The following USP37 variants were observed in gnomAD, a reference collection of about 807,000 sequenced individuals.
USP37 encodes ubiquitin specific peptidase 37.
In USP37, 27 loss-of-function variants were observed where a neutral mutation model predicts 124.0. The observed-to-expected ratio is 0.22, with a 90% CI of 0.16 to 0.30. The LOEUF is 0.30. Among genes scored for constraint, USP37 ranks in the 10% least tolerant of loss-of-function variants. The pLI is 1.00. For synonymous variants in USP37, 365 were observed against 388.0 expected, an observed-to-expected ratio of 0.94 and a Z score of 0.70; for missense variants, 889 against 1,140.4, an observed-to-expected ratio of 0.78 and a Z score of 3.17.
intron 11 of USP37, among the ~76,000 whole-genome samples, chr2:218,500,146 T>G (rs1204091705): frequency 6.6e-6 from 1 of 151,616 alleles, no homozygotes; most frequent in Non-Finnish European, 1.5e-5. Flanking sequence ...GTGATCTCAG[T>G]TCACTACAAC....
intron 10 of USP37, among the ~76,000 whole-genome samples, chr2:218,512,597 T>C (rs1056149330): frequency 3.9e-5 from 6 of 152,134 alleles, no homozygotes; most frequent in African/African-American, 1.4e-4. Flanking sequence ...ATGTGGAGCA[T>C]AACAAATTTT....
At position 218,553,729 on chromosome 2, in the gene USP37, T is replaced by C. The variant is rs768631988; in HGVS notation, c.157-5A>G. 38 of 1,598,794 alleles carry C rather than the reference T, an allele frequency of 2.4e-5. No individual in the cohort carries two copies. Among genetic ancestry groups the C allele is most frequent in the East Asian group, 4.5e-5 (2 of 44,590 alleles). ...ATTTTTAATGTTATGACTTAGCTAA[T>C]CAAGACAAAAGGAAAATTATCATCA... is the stretch of plus-strand genomic sequence containing the variant. On this transcript the variant is annotated splice_polypyrimidine_tract_variant and splice_region_variant and intron_variant, in intron 4 of 25. Transcript: ENST00000258399.
intron 11 of USP37, among the ~76,000 whole-genome samples, chr2:218,506,155 T>C (rs1052567221): frequency 2.6e-5 from 4 of 152,120 alleles, no homozygotes; most frequent in Admixed American, 6.5e-5. Context: ...TGAGTCACCA[T>C]GCCCAGCAGG....
At position 218,495,900 on chromosome 2, in the gene USP37, C is replaced by G; in HGVS notation, c.1332G>C (p.Met444Ile). ...TCTTCCAAGTTTTATTTAATTTTTC[C>G]ATATCTTCTTTCAGCTGGTCCAAAC... ...SQCLDQLKED[M>I]EKLNKTWKTE... Residue 444 changes from methionine to isoleucine, a missense_variant, in exon 14 of 26, where the codon ATG becomes ATC. Physicochemically the swap from Met to Ile is conservative, Grantham distance 10. Coordinates refer to ENST00000258399, the MANE Select transcript of USP37 (RefSeq NM_020935.3). 1 of 1,613,474 alleles carries G rather than the reference C, an allele frequency of 6.2e-7. No individual in the cohort carries two copies. The highest frequency in any genetic ancestry group is 8.5e-7 in the Non-Finnish European group (1 of 1,179,922).
At chr2:218,484,574 A>G (rs986218990) in intron 16 of USP37, among the ~76,000 whole-genome samples, 6 of 151,964 alleles carry the variant, frequency 3.9e-5, no homozygotes, top group Non-Finnish European at 8.8e-5. Context: ...GTGAGCTGAG[A>G]TCGTGCCACT....
chr2:218,463,205 C>T, intron 22 of USP37, 101 bp downstream of exon 22: 3 of 765,968 alleles, frequency 3.9e-6, no homozygotes, highest in East Asian at 6.2e-5. Flanking sequence ...CACACACACA[C>T]ACACACACAC....
Position 218,482,141 on chromosome 2 carries a change from C to T in USP37, c.1764G>A (p.Leu588=). The change falls in exon 17 of 26, where the codon CTG becomes CTA. Residue 588 remains leucine, a synonymous_variant. Coordinates refer to ENST00000258399, the MANE Select transcript of USP37 (RefSeq NM_020935.3). ...IGQQVIIPRY[L]TLSSHCTENT... ...TTTCAGTGCAATGAGATGACAGGGT[C>T]AGGTATCTTGGAATGATGACTTGCT... The T allele has an allele frequency of 6.2e-7, 1 of 1,613,700 alleles. No homozygotes were observed. Among genetic ancestry groups the T allele is most frequent in the Non-Finnish European group, 8.5e-7 (1 of 1,179,766 alleles).
rs543170625 is a variant in USP37 at position 218,536,537 on chromosome 2, A to G, written c.681-1831T>C. ...TCCTGATTTGGATTAAAACAACTTTATGGTGGAAGCTACATAACAGATTTC... is the reference window on the plus strand; with the variant it reads ...TCCTGATTTGGATTAAAACAACTTTGTGGTGGAAGCTACATAACAGATTTC... On this transcript the variant is annotated intron_variant, in intron 8 of 25. Transcript: ENST00000258399. Among the ~76,000 whole-genome samples, 23 of 152,346 alleles carry G rather than the reference A, an allele frequency of 1.5e-4. 2 individuals carry two copies. The South Asian group carries it at 4.3e-3, about 29-fold the overall frequency.
chr2:218,479,138 T>G (rs778719981), intron 18 of USP37, among the ~76,000 whole-genome samples: 3 of 152,212 alleles, frequency 2.0e-5, no homozygotes, highest in African/African-American at 4.8e-5. Context: ...TGGATAAAGT[T>G]TGGTCTTAAA....
chr2:218,483,880 A>G (rs1691395010), intron 16 of USP37, among the ~76,000 whole-genome samples: 2 of 152,202 alleles, frequency 1.3e-5, no homozygotes, highest in South Asian at 4.1e-4. Context: ...AAGTCTCTTA[A>G]GTCAATATAA....
chr2:218,504,668 C>A (rs994681181), intron 11 of USP37, among the ~76,000 whole-genome samples: 1 of 152,202 alleles, frequency 6.6e-6, no homozygotes, highest in Non-Finnish European at 1.5e-5. Flanking sequence ...TTCCTAGCCT[C>A]AAGTGATCCT....
chr2:218,467,350 TCTATCTA>T (rs1414314880), intron 20 of USP37, among the ~76,000 whole-genome samples: 11 of 150,218 alleles, frequency 7.3e-5, no homozygotes, highest in Non-Finnish European at 5.9e-5. Flanking sequence ...TATCTATCTA[TCTATCTA>T]TTTTTTTTTG....
intron 20 of USP37, among the ~76,000 whole-genome samples, chr2:218,474,180 A>G (rs1273303664): frequency 6.6e-6 from 1 of 152,228 alleles, no homozygotes; most frequent in Admixed American, 6.5e-5. Flanking sequence ...TGACACAAAC[A>G]TATATTAAAT....
At chr2:218,502,140 AAAG>A (rs746702313) in intron 11 of USP37, among the ~76,000 whole-genome samples, 8 of 152,294 alleles carry the variant, frequency 5.3e-5, no homozygotes, top group Non-Finnish European at 7.4e-5. Flanking sequence ...CAGAAATGAA[AAAG>A]AAGAACTTAA....
At chr2:218,492,893 T>C (rs1395768047) in intron 14 of USP37, among the ~76,000 whole-genome samples, 1 of 152,088 alleles carries the variant, frequency 6.6e-6, no homozygotes, top group Non-Finnish European at 1.5e-5. Context: ...TAGTCCTGGC[T>C]ACTCTAGATG....
chr2:218,498,382 C>A (rs1689185686), intron 11 of USP37: 2 of 308,452 alleles, frequency 6.5e-6, no homozygotes, highest in Non-Finnish European at 1.2e-5. Context: ...TACTAGATCA[C>A]GTTGATGCTG....
At chr2:218,467,315 A>C (rs200926900) in intron 20 of USP37, among the ~76,000 whole-genome samples, 2 of 141,640 alleles carry the variant, frequency 1.4e-5, no homozygotes, top group African/African-American at 5.6e-5. Flanking sequence ...CAGCTAATCT[A>C]TATCTATCTA....
chr2:218,482,199 T>C lies in USP37; in HGVS notation c.1706A>G (p.Asn569Ser), dbSNP rs1433941695. 12 of 1,613,748 alleles carry C rather than the reference T, an allele frequency of 7.4e-6. No individual in the cohort carries two copies. Among genetic ancestry groups the C allele is most frequent in the Middle Eastern group, 1.6e-4 (1 of 6,082 alleles). Residue 569 changes from asparagine (N) to serine (S), a missense_variant, in exon 17 of 26, where the codon AAT (asparagine) becomes AGT (serine). Asn to Ser is a conservative substitution (Grantham distance 46). Coordinates refer to ENST00000258399, the MANE Select transcript of USP37 (RefSeq NM_020935.3). ...CTTATTGTTAAGCGAGAGAGCCACA[T>C]TGAAGCTATATCGTTTCAAATGGAG... ...LILHLKRYSF[N>S]VALSLNNKIG...
At chr2:218,544,886 T>C (rs751567456) in intron 8 of USP37, among the ~76,000 whole-genome samples, 1 of 152,066 alleles carries the variant, frequency 6.6e-6, no homozygotes, top group African/African-American at 2.4e-5. Flanking sequence ...AGGTCTGGAG[T>C]GGGGAATGCA....
Sources: gnomAD v4.1 joint callset for allele counts (sites outside exome capture counted in the v4.1 genomes callset) on GRCh38, gnomAD v4.1.1 for gene constraint, MANE v1.5 for transcripts, NCBI Gene and HGNC (gene_info 2026-07-23, HGNC 2026-07-21) for gene names.